Variants in MRTFB observed in about 807,000 individuals in gnomAD.
MRTFB encodes myocardin related transcription factor B, also known as myocardin-related transcription factor B.
In MRTFB, 29 loss-of-function variants were observed where a neutral mutation model predicts 104.2. The ratio of observed to expected loss-of-function variants is 0.28; its 90% CI spans 0.21 to 0.38. The LOEUF (loss-of-function observed/expected upper bound fraction) is 0.38, where lower values mean the gene tolerates loss of function less well. MRTFB is among the 10% of genes least tolerant of loss of function. MRTFB has a pLI of 1.00. For synonymous variants in MRTFB, 535 were observed against 519.5 expected, an observed-to-expected ratio of 1.03 and a Z score of -0.41; for missense variants, 1,270 against 1,341.6, an observed-to-expected ratio of 0.95 and a Z score of 0.83.
At chr16:14,194,431 G>T (rs940675171) in intron 3 of MRTFB, among the ~76,000 whole-genome samples, 1 of 152,180 alleles carries the variant, frequency 6.6e-6, no homozygotes, top group African/African-American at 2.4e-5. Flanking sequence ...CCAACCTCGT[G>T]ACCTCATTTA....
At chr16:14,223,654 T>C (rs758813859) in intron 8 of MRTFB, among the ~76,000 whole-genome samples, 5 of 151,964 alleles carry the variant, frequency 3.3e-5, no homozygotes, top group Admixed American at 6.6e-5. Flanking sequence ...GGCAGATGAT[T>C]TGAAATTGAG....
At chr16:14,251,230 A>G (rs1418844449) in intron 13 of MRTFB, among the ~76,000 whole-genome samples, 1 of 151,994 alleles carries the variant, frequency 6.6e-6, no homozygotes, top group Non-Finnish European at 1.5e-5. Flanking sequence ...ACAAAAAATT[A>G]GTTGGGTGTG....
rs201086858 is a variant in MRTFB, at chr16:14,261,429, G to A, written c.3285G>A (p.Pro1095=). 1.2e-4 allele frequency: 196 copies of A among 1,600,644 alleles called. No individual in the cohort carries two copies. The highest frequency in any genetic ancestry group is 1.0e-3 in the East Asian group (45 of 44,566). Reference sequence around the variant, plus strand: ...ACTTTCTAGACCCACAGGACCTACCGCTGCCATGGGACTAACGTCACAGAT... The same window carrying A: ...ACTTTCTAGACCCACAGGACCTACCACTGCCATGGGACTAACGTCACAGAT... ...SADFLDPQDL[P]LPWD The change falls in exon 17 of 17, where the codon CCG becomes CCA. Residue 1095 remains proline, a synonymous_variant. Transcript: ENST00000571589.
chr16:14,172,847 AG>A (rs1464655509), intron 3 of MRTFB, among the ~76,000 whole-genome samples: 2 of 152,160 alleles, frequency 1.3e-5, no homozygotes, highest in African/African-American at 4.8e-5. Context: ...TTTCTCTGTC[AG>A]GTTTTTGAAC....
intron 6 of MRTFB, among the ~76,000 whole-genome samples, chr16:14,214,127 C>T (rs1266669590): frequency 6.6e-6 from 1 of 152,160 alleles, no homozygotes; most frequent in East Asian, 1.9e-4. Context: ...CATCTAACCT[C>T]ATCACTTACG....
chr16:14,149,144 G>A (rs149053507), intron 3 of MRTFB: 16 of 152,214 alleles, frequency 1.1e-4, no homozygotes, highest in African/African-American at 1.4e-4. Flanking sequence ...GCACGTATGC[G>A]TTAAGATTTT....
chr16:14,256,959 A>G (rs2043519813), intron 15 of MRTFB, among the ~76,000 whole-genome samples: 1 of 152,256 alleles, frequency 6.6e-6, no homozygotes, highest in Non-Finnish European at 1.5e-5. Flanking sequence ...CAAAGAAGAT[A>G]AATGGATGGC....
chr16:14,008,477 G>A, the MRTFB span, among the ~76,000 whole-genome samples: 46 of 152,252 alleles, frequency 3.0e-4, no homozygotes, highest in African/African-American at 9.4e-4. Flanking sequence ...TGGCTGCCTC[G>A]TAGAAAATCA....
intron 2 of MRTFB, among the ~76,000 whole-genome samples, chr16:14,122,530 C>T (rs533271647): frequency 3.3e-5 from 5 of 152,104 alleles, no homozygotes; most frequent in South Asian, 2.1e-4. Context: ...TGAGAACATG[C>T]GGTGTTTGGT....
intron 3 of MRTFB, among the ~76,000 whole-genome samples, chr16:14,180,487 T>C (rs913166874): frequency 1.3e-5 from 2 of 152,172 alleles, no homozygotes; most frequent in Non-Finnish European, 2.9e-5. Flanking sequence ...TTTTTCTAAG[T>C]TGATGAAAGT....
At chr16:14,078,334 TC>T (rs1228124224) in intron 1 of MRTFB, among the ~76,000 whole-genome samples, 38 of 152,304 alleles carry the variant, frequency 2.5e-4, no homozygotes, top group South Asian at 8.3e-4. Flanking sequence ...TTGACTTTGA[TC>T]TTTTTTTTTG....
chr16:14,142,956 G>C (rs2038086621), intron 3 of MRTFB: 2 of 152,172 alleles, frequency 1.3e-5, no homozygotes, highest in South Asian at 4.2e-4. Context: ...AATGTAGAAG[G>C]ATTGCTTTAA....
chr16:14,229,829 A>G (rs1462267515), intron 8 of MRTFB, among the ~76,000 whole-genome samples: 2 of 152,194 alleles, frequency 1.3e-5, no homozygotes. Context: ...TGAAAATTAA[A>G]GATCTGGCCC....
intron 2 of MRTFB, among the ~76,000 whole-genome samples, chr16:14,115,551 G>C (rs1003144997): frequency 6.6e-6 from 1 of 152,056 alleles, no homozygotes; most frequent in Non-Finnish European, 1.5e-5. Flanking sequence ...TAAACTCTGC[G>C]GCCCAGCTAC....
rs2037774289 is a variant in MRTFB, at chr16:14,137,376, A to AT, written c.-63-3167dup. On this transcript the variant is annotated intron_variant, in intron 2 of 16. Coordinates refer to ENST00000571589, the MANE Select transcript of MRTFB (RefSeq NM_001308142.2). ...TTTAAGGTGAGCATAAAGTCAAGCCATAATAGGTTGAAAAAATTCTTCAGT... is the reference window on the plus strand; with the variant it reads ...TTTAAGGTGAGCATAAAGTCAAGCCATTAATAGGTTGAAAAAATTCTTCAGT... Among the ~76,000 whole-genome samples the AT allele has an allele frequency of 2.0e-5, 3 of 152,172 alleles. No homozygotes were observed. The South Asian group carries it at 6.2e-4, about 31-fold the overall frequency.
intron 3 of MRTFB, among the ~76,000 whole-genome samples, chr16:14,166,808 C>G (rs2039259502): frequency 1.3e-5 from 2 of 152,162 alleles, no homozygotes; most frequent in African/African-American, 2.4e-5. Flanking sequence ...ACAGCTTCCC[C>G]CTGCATCCAT....
At chr16:14,225,345 T>C (rs1286991546) in intron 8 of MRTFB, among the ~76,000 whole-genome samples, 1 of 152,194 alleles carries the variant, frequency 6.6e-6, no homozygotes, top group Admixed American at 6.5e-5. Flanking sequence ...CAACGTAGTT[T>C]GTGAATGATG....
At chr16:14,212,994 A>C (rs376321204) in intron 5 of MRTFB, among the ~76,000 whole-genome samples, 1 of 152,248 alleles carries the variant, frequency 6.6e-6, no homozygotes, top group South Asian at 2.1e-4. Flanking sequence ...ATCATGCAAC[A>C]TGAAAATAAA....
At chr16:14,254,334 A>G (rs372339158) in intron 15 of MRTFB, among the ~76,000 whole-genome samples, 4 of 152,252 alleles carry the variant, frequency 2.6e-5, no homozygotes, top group Admixed American at 1.3e-4. Flanking sequence ...CGCATTGAAG[A>G]GTAAATAGAA....
Sources: allele counts gnomAD v4.1 joint callset (sites outside exome capture counted in the v4.1 genomes callset), GRCh38; gene constraint gnomAD v4.1.1; transcripts MANE v1.5; gene names NCBI Gene and HGNC (gene_info 2026-07-23, HGNC 2026-07-21).